IGF2BP2: variants seen among roughly 807,000 people sequenced by gnomAD.
IGF2BP2 encodes the protein insulin like growth factor 2 mRNA binding protein 2.
IGF2BP2 carries 17 observed loss-of-function variants against 75.8 expected under a neutral mutation model. That is an observed-to-expected ratio of 0.22 (90% confidence interval 0.15 to 0.34). The LOEUF is 0.34. Among genes scored for constraint, IGF2BP2 ranks in the 10% least tolerant of loss-of-function variants. IGF2BP2 has a pLI of 1.00. For missense variants in IGF2BP2, 516 were observed against 772.4 expected (o/e 0.67, Z 3.93); for synonymous variants, 288 against 295.6 (o/e 0.97, Z 0.26).
At chr3:185,770,483 G>A (rs1005454704) in intron 2 of IGF2BP2, among the ~76,000 whole-genome samples, 1 of 152,194 alleles carries the variant, frequency 6.6e-6, no homozygotes, top group African/African-American at 2.4e-5. Context: ...TGCTCCTTTG[G>A]TTATGACCCC....
intron 5 of IGF2BP2, among the ~76,000 whole-genome samples, chr3:185,691,787 G>A (rs914211408): frequency 1.2e-4 from 18 of 152,104 alleles, no homozygotes; most frequent in African/African-American, 3.4e-4. Context: ...CAGGCTGGAT[G>A]GTAGTGGTGC....
chr3:185,665,425 AAGG>A (rs140425427), intron 10 of IGF2BP2, among the ~76,000 whole-genome samples: 4,602 of 40,060 alleles, frequency 0.11, 512 homozygotes, highest in Middle Eastern at 0.22. Flanking sequence ...GGAGAAGGAG[AAGG>A]AGGAGGAGGA....
At chr3:185,694,098 T>A (rs960573917) in intron 4 of IGF2BP2, among the ~76,000 whole-genome samples, 1 of 152,204 alleles carries the variant, frequency 6.6e-6, no homozygotes. Context: ...CAGAAAGAGC[T>A]GCCACTGAGA....
At chr3:185,798,916 A>G (rs1737808465) in intron 2 of IGF2BP2, among the ~76,000 whole-genome samples, 1 of 151,530 alleles carries the variant, frequency 6.6e-6, no homozygotes, top group Non-Finnish European at 1.5e-5. Context: ...AGCTGAGACT[A>G]CAGGCACACA....
chr3:185,720,433 C>T (rs182295238), intron 2 of IGF2BP2, among the ~76,000 whole-genome samples: 1 of 152,208 alleles, frequency 6.6e-6, no homozygotes, highest in Admixed American at 6.5e-5. Flanking sequence ...CAACTGCGCC[C>T]GGCCCCTTTG....
At position 185,785,666 on chromosome 3, in the gene IGF2BP2, A is replaced by T. The variant is rs539362568; in HGVS notation, c.239+37487T>A. ...AGACTCTGCCTCTAAAAATAAAAAA[A>T]ATAATAATAATTAGCTGGGCCTGAT... On this transcript the variant is annotated intron_variant, in intron 2 of 15. Transcript: ENST00000382199. Among the ~76,000 whole-genome samples, 628 of 152,262 alleles carry T rather than the reference A, an allele frequency of 4.1e-3. 4 individuals carry two copies. Among genetic ancestry groups the T allele is most frequent in the African/African-American group, 0.014 (572 of 41,554 alleles).
intron 2 of IGF2BP2, among the ~76,000 whole-genome samples, chr3:185,746,499 C>T (rs774602631): frequency 3.9e-5 from 6 of 152,196 alleles, no homozygotes; most frequent in Non-Finnish European, 8.8e-5. Flanking sequence ...GGCCACCATC[C>T]TAATTCAGAA....
intron 5 of IGF2BP2, 104 bp from the exon 6 acceptor site, chr3:185,689,731 G>C (rs1164279829): frequency 7.8e-7 from 1 of 1,284,836 alleles, no homozygotes; most frequent in East Asian, 2.3e-5. Context: ...CACTTTGGGA[G>C]GCCGAGGCGG....
chr3:185,682,013 C>T (rs1720461798), intron 7 of IGF2BP2, among the ~76,000 whole-genome samples: 1 of 152,226 alleles, frequency 6.6e-6, no homozygotes, highest in Non-Finnish European at 1.5e-5. Context: ...TTCTTGGTTT[C>T]ACCATGATAC....
intron 2 of IGF2BP2, among the ~76,000 whole-genome samples, chr3:185,734,926 G>A (rs1265966072): frequency 6.6e-6 from 1 of 152,166 alleles, no homozygotes; most frequent in Non-Finnish European, 1.5e-5. Context: ...CCTCTGCAGA[G>A]TGGAGATAAG....
At chr3:185,692,127 G>C (rs1722027933) in intron 5 of IGF2BP2, among the ~76,000 whole-genome samples, 1 of 152,174 alleles carries the variant, frequency 6.6e-6, no homozygotes, top group African/African-American at 2.4e-5. Flanking sequence ...CTGGAAAGAG[G>C]ATGGGGATTG....
At chr3:185,716,084 T>G (rs1725566166) in intron 2 of IGF2BP2, among the ~76,000 whole-genome samples, 1 of 152,168 alleles carries the variant, frequency 6.6e-6, no homozygotes, top group Non-Finnish European at 1.5e-5. Context: ...TTTAGCACAC[T>G]TCTTGAAAGC....
At chr3:185,721,747 T>A (rs1055785112) in intron 2 of IGF2BP2, among the ~76,000 whole-genome samples, 1 of 152,160 alleles carries the variant, frequency 6.6e-6, no homozygotes, top group Non-Finnish European at 1.5e-5. Flanking sequence ...CACTCTCATC[T>A]GAAAAGTCAT....
chr3:185,767,965 C>G (rs964518438), intron 2 of IGF2BP2: 4 of 152,230 alleles, frequency 2.6e-5, no homozygotes, highest in Non-Finnish European at 5.9e-5. Context: ...AATTATACTT[C>G]TAGGAATATT....
chr3:185,801,211 T>G (rs961397804), intron 2 of IGF2BP2, among the ~76,000 whole-genome samples: 1 of 151,986 alleles, frequency 6.6e-6, no homozygotes, highest in Non-Finnish European at 1.5e-5. Context: ...AGGAAACAGC[T>G]GGGCACGGTG....
chr3:185,649,647 C>A lies in IGF2BP2; in HGVS notation c.1462-113G>T. The A allele has an allele frequency of 1.1e-5, 15 of 1,386,816 alleles. No individual in the cohort carries two copies. The South Asian group carries it at 1.4e-4, about 13-fold the overall frequency. The allele number at this position is 1,386,816 out of a possible 1,614,324, so 85.9% of individuals were successfully genotyped here. A position where few individuals can be genotyped will look rare whatever the true frequency, so the allele number is the denominator to read the frequency against. ...ACAATGGGTCAGTCCCATTCCCACACTCCCTGGGACACACAGGAAGCTGCG... is the reference window on the plus strand; with the variant it reads ...ACAATGGGTCAGTCCCATTCCCACAATCCCTGGGACACACAGGAAGCTGCG... On this transcript the variant is annotated intron_variant, in intron 13 of 15. Transcript: ENST00000382199.
intron 2 of IGF2BP2, chr3:185,722,029 G>C (rs958628908): frequency 3.1e-5 from 8 of 254,550 alleles, no homozygotes; most frequent in Non-Finnish European, 5.4e-5. Context: ...TAATTTTATT[G>C]ATATAAGATC....
At position 185,652,172 on chromosome 3, in the gene IGF2BP2, T is replaced by C. The variant is rs1038608213; in HGVS notation, c.1387-4A>G. On this transcript the variant is annotated splice_polypyrimidine_tract_variant and splice_region_variant and intron_variant, in intron 12 of 15. Coordinates refer to ENST00000382199, the MANE Select transcript of IGF2BP2 (RefSeq NM_006548.6). Reference sequence around the variant, plus strand: ...CTGGGCCTTCCGCAGGGGCAATCTGTGGTTCACAGGAGAGGAAAACGCTGA... The same window carrying C: ...CTGGGCCTTCCGCAGGGGCAATCTGCGGTTCACAGGAGAGGAAAACGCTGA... 1.2e-6 allele frequency: 2 copies of C among 1,610,778 alleles called. No individual in the cohort carries two copies. The highest frequency in any genetic ancestry group is 2.7e-5 in the African/African-American group (2 of 74,882).
chr3:185,753,697 T>C (rs948226981), intron 2 of IGF2BP2, among the ~76,000 whole-genome samples: 1 of 152,276 alleles, frequency 6.6e-6, no homozygotes. Flanking sequence ...AATAGCAGCA[T>C]CCTTCTCCCA....
Sources: gnomAD v4.1 joint callset for allele counts (sites outside exome capture counted in the v4.1 genomes callset) on GRCh38, gnomAD v4.1.1 for gene constraint, MANE v1.5 for transcripts, NCBI Gene and HGNC (gene_info 2026-07-23, HGNC 2026-07-21) for gene names.